Variants in GRIK1 observed in about 807,000 individuals in gnomAD.
GRIK1 encodes the protein glutamate receptor ionotropic, kainate 1.
A neutral mutation model predicts 105.7 loss-of-function variants in GRIK1; 69 were observed. The observed-to-expected ratio is 0.65, with a 90% CI of 0.54 to 0.80. The LOEUF is 0.80. Ranked by LOEUF, GRIK1 falls within the 30% of genes least tolerant of loss-of-function variation. The probability of loss-of-function intolerance (pLI) is 0.00; values close to 1 mark genes in which losing one functional copy is unlikely to be tolerated. For missense variants in GRIK1, 1,109 were observed against 1,167.3 expected (o/e 0.95, Z 0.73); for synonymous variants, 438 against 431.3 (o/e 1.02, Z -0.19).
At chr21:29,731,712 A>T (rs1230771187) in intron 1 of GRIK1, among the ~76,000 whole-genome samples, 2 of 152,178 alleles carry the variant, frequency 1.3e-5, no homozygotes, top group Non-Finnish European at 2.9e-5. Flanking sequence ...GAACCAGATG[A>T]ATTTTTTCCT....
At chr21:29,868,291 C>T (rs2068895988) in intron 1 of GRIK1, among the ~76,000 whole-genome samples, 1 of 152,172 alleles carries the variant, frequency 6.6e-6, no homozygotes, top group Non-Finnish European at 1.5e-5. Flanking sequence ...ACCAGGCTCT[C>T]TTGTCTGAGA....
intron 1 of GRIK1, among the ~76,000 whole-genome samples, chr21:29,743,312 T>G (rs1483892527): frequency 6.6e-6 from 1 of 152,122 alleles, no homozygotes; most frequent in Non-Finnish European, 1.5e-5. Context: ...AGAAAAAAGT[T>G]GGAGAGAAGT....
chr21:29,643,110 T>C (rs2146528565), intron 6 of GRIK1, 141 bp from the exon 7 acceptor site: 2 of 697,796 alleles, frequency 2.9e-6, no homozygotes, highest in East Asian at 2.6e-5. Context: ...TAGTTTTCAC[T>C]CTCCAATAGC....
chr21:29,642,803 G>C, intron 7 of GRIK1, 23 bp downstream of exon 7: 1 of 1,612,322 alleles, frequency 6.2e-7, no homozygotes, highest in South Asian at 1.1e-5. Context: ...AGGGCCCCTG[G>C]GCTGTGAGGG....
chr21:29,776,878 T>C lies in GRIK1; in HGVS notation c.119-82815A>G, dbSNP rs2065959118. ...AGTGACTACTACATCTGAATTATTGTTCTGGGACTGTGCTTGAACTGTTCA... is the reference window on the plus strand; with the variant it reads ...AGTGACTACTACATCTGAATTATTGCTCTGGGACTGTGCTTGAACTGTTCA... On this transcript the variant is annotated intron_variant, in intron 1 of 17. Coordinates refer to ENST00000327783, the MANE Select transcript of GRIK1 (RefSeq NM_001330994.2). 2.6e-5 allele frequency among the ~76,000 whole-genome samples: 4 copies of C among 152,324 alleles called. No homozygotes were observed. In the South Asian group the frequency reaches 6.2e-4, roughly 24 times the overall value.
chr21:29,661,510 C>A (rs1203004440), intron 4 of GRIK1, among the ~76,000 whole-genome samples: 1 of 152,038 alleles, frequency 6.6e-6, no homozygotes, highest in South Asian at 2.1e-4. Flanking sequence ...TGATGCGGGG[C>A]CACAAGACAA....
chr21:29,635,071 G>GA (rs971122924), intron 7 of GRIK1, among the ~76,000 whole-genome samples: 8 of 152,170 alleles, frequency 5.3e-5, no homozygotes, highest in Non-Finnish European at 7.4e-5. Flanking sequence ...AGAAGGTTGA[G>GA]AAAAAATATC....
chr21:29,775,174 G>A (rs891326624), intron 1 of GRIK1, among the ~76,000 whole-genome samples: 4 of 151,268 alleles, frequency 2.6e-5, no homozygotes, highest in Non-Finnish European at 5.9e-5. Context: ...AAAATTAGCC[G>A]GCATGCACCT....
intron 9 of GRIK1, 69 bp from the exon 10 acceptor site, chr21:29,591,294 T>A: frequency 2.2e-6 from 2 of 902,900 alleles, no homozygotes; most frequent in South Asian, 2.6e-5. Context: ...GAGAGGCCCC[T>A]TCTCTACCAG....
At chr21:29,862,690 AC>A (rs2068685176) in intron 1 of GRIK1, among the ~76,000 whole-genome samples, 1 of 152,244 alleles carries the variant, frequency 6.6e-6, no homozygotes, top group Non-Finnish European at 1.5e-5. Context: ...ACTGTAGGAA[AC>A]AAAAAAACAC....
chr21:29,883,407 C>A (rs564731776), intron 1 of GRIK1, among the ~76,000 whole-genome samples: 1 of 152,174 alleles, frequency 6.6e-6, no homozygotes, highest in South Asian at 2.1e-4. Flanking sequence ...GGTTTTACTT[C>A]ATTAAGTCAC....
chr21:29,674,363 ATGTACAATAAATT>A (rs2063224907), intron 3 of GRIK1, among the ~76,000 whole-genome samples: 1 of 151,020 alleles, frequency 6.6e-6, no homozygotes, highest in Non-Finnish European at 1.5e-5. Flanking sequence ...TTTGATTCTG[ATGTACAATAAATT>A]TATAATGATA....
chr21:29,621,008 G>A (rs1315378313), intron 7 of GRIK1, among the ~76,000 whole-genome samples: 1 of 150,684 alleles, frequency 6.6e-6, no homozygotes, highest in African/African-American at 2.4e-5. Flanking sequence ...TATTGCTCTA[G>A]GAAAATAATT....
chr21:29,788,901 G>A (rs2066336156), intron 1 of GRIK1, among the ~76,000 whole-genome samples: 1 of 152,208 alleles, frequency 6.6e-6, no homozygotes, highest in Non-Finnish European at 1.5e-5. Flanking sequence ...GGTAATGTGA[G>A]AATGGGGAGT....
chr21:29,592,660 A>G (rs1350268232), intron 9 of GRIK1, among the ~76,000 whole-genome samples: 3 of 152,214 alleles, frequency 2.0e-5, no homozygotes, highest in Non-Finnish European at 2.9e-5. Flanking sequence ...AAAGTATTTC[A>G]CAGGAATAAT....
intron 1 of GRIK1, among the ~76,000 whole-genome samples, chr21:29,797,277 C>T (rs1020337191): frequency 6.6e-6 from 1 of 152,174 alleles, no homozygotes; most frequent in Non-Finnish European, 1.5e-5. Flanking sequence ...TCTGAGGAAG[C>T]CACGCAGAAA....
chr21:29,601,894 A>T (rs1173506549), intron 7 of GRIK1, among the ~76,000 whole-genome samples: 3 of 151,772 alleles, frequency 2.0e-5, no homozygotes, highest in Non-Finnish European at 4.4e-5. Flanking sequence ...TAGGCACTTT[A>T]ATTTTTTTCT....
intron 1 of GRIK1, among the ~76,000 whole-genome samples, chr21:29,871,851 C>A (rs1374076255): frequency 6.8e-6 from 1 of 146,988 alleles, no homozygotes; most frequent in Non-Finnish European, 1.5e-5. Context: ...GCAGCCTCAA[C>A]CTCCCAGGCT....
chr21:29,867,719 G>T (rs573559737), intron 1 of GRIK1, among the ~76,000 whole-genome samples: 2 of 151,932 alleles, frequency 1.3e-5, no homozygotes, highest in Non-Finnish European at 2.9e-5. Context: ...TCTTGAACCC[G>T]AGAAGCAGAG....
Sources: gnomAD v4.1 joint callset for allele counts (sites outside exome capture counted in the v4.1 genomes callset) on GRCh38, gnomAD v4.1.1 for gene constraint, MANE v1.5 for transcripts, NCBI Gene and HGNC (gene_info 2026-07-23, HGNC 2026-07-21) for gene names.